Variants in PCDH15 observed in about 807,000 individuals in gnomAD.
PCDH15 encodes the protein protocadherin related 15.
A neutral mutation model predicts 178.5 loss-of-function variants in PCDH15; 129 were observed. The observed-to-expected ratio is 0.72, with a 90% CI of 0.63 to 0.84. The LOEUF is 0.84. PCDH15 is among the 40% of genes least tolerant of loss of function. The pLI is 0.00. For missense variants in PCDH15, 2,230 were observed against 2,099.9 expected (o/e 1.06, Z -1.21); for synonymous variants, 800 against 732.0 (o/e 1.09, Z -1.50).
chr10:55,048,643 A>G (rs1211100494), intron 2 of PCDH15, among the ~76,000 whole-genome samples: 2 of 151,942 alleles, frequency 1.3e-5, no homozygotes, highest in Admixed American at 6.6e-5. Flanking sequence ...TAGATTTAAA[A>G]CACATATTCT....
chr10:55,170,614 T>G (rs564139747), intron 1 of PCDH15, among the ~76,000 whole-genome samples: 1 of 152,184 alleles, frequency 6.6e-6, no homozygotes, highest in African/African-American at 2.4e-5. Flanking sequence ...CCGAGTGCAG[T>G]GGCTTACACC....
intron 2 of PCDH15, among the ~76,000 whole-genome samples, chr10:55,039,181 A>G (rs1840807256): frequency 6.6e-6 from 1 of 152,080 alleles, no homozygotes; most frequent in Non-Finnish European, 1.5e-5. Context: ...AAAAACATGT[A>G]AATCTCTCCC....
chr10:54,384,030 C>T (rs1325455674), intron 3 of PCDH15, among the ~76,000 whole-genome samples: 4 of 149,586 alleles, frequency 2.7e-5, no homozygotes, highest in East Asian at 2.0e-4. Flanking sequence ...GATGGGGTTC[C>T]GCCATGTTGG....
intron 1 of PCDH15, among the ~76,000 whole-genome samples, chr10:55,240,267 AT>A (rs1171079598): frequency 1.3e-5 from 2 of 152,230 alleles, no homozygotes; most frequent in Admixed American, 1.3e-4. Flanking sequence ...ACAAATTTGT[AT>A]TTAATATACA....
chr10:54,665,477 T>C (rs1467953037), intron 1 of PCDH15, among the ~76,000 whole-genome samples: 1 of 152,102 alleles, frequency 6.6e-6, no homozygotes, highest in African/African-American at 2.4e-5. Context: ...ATAAGGTTTA[T>C]CAGAGGGTAC....
At chr10:55,152,457 G>C (rs1007137034) in intron 2 of PCDH15, among the ~76,000 whole-genome samples, 27 of 152,166 alleles carry the variant, frequency 1.8e-4, no homozygotes, top group Non-Finnish European at 2.8e-4. Context: ...TTTTAAAAAT[G>C]AAAAGAGAAA....
intron 2 of PCDH15, among the ~76,000 whole-genome samples, chr10:55,019,635 T>C (rs2131952883): frequency 6.6e-6 from 1 of 152,274 alleles, no homozygotes; most frequent in East Asian, 1.9e-4. Flanking sequence ...AGAAATAAAC[T>C]GCCCTTTGTC....
chr10:55,367,530 A>G (rs1420797656), intron 2 of PCDH15, among the ~76,000 whole-genome samples: 2 of 152,112 alleles, frequency 1.3e-5, no homozygotes, highest in Non-Finnish European at 2.9e-5. Flanking sequence ...GAAGTGAGCC[A>G]TGATCATGCC....
intron 23 of PCDH15, among the ~76,000 whole-genome samples, chr10:53,943,709 A>T (rs930421405): frequency 6.6e-6 from 1 of 152,140 alleles, no homozygotes; most frequent in African/African-American, 2.4e-5. Flanking sequence ...TTTACAACAG[A>T]TTTACTTCTA....
At chr10:55,493,738 C>G (rs1168000426) in intron 2 of PCDH15, among the ~76,000 whole-genome samples, 1 of 151,768 alleles carries the variant, frequency 6.6e-6, no homozygotes, top group Non-Finnish European at 1.5e-5. Context: ...GGCAGCTGAC[C>G]TGCCTTATAA....
chr10:54,720,966 C>G (rs187419415), intron 1 of PCDH15, among the ~76,000 whole-genome samples: 5 of 152,100 alleles, frequency 3.3e-5, no homozygotes, highest in Admixed American at 6.6e-5. Context: ...AGAGCATTCT[C>G]CTAAACCGAC....
chr10:54,398,621 A>G (rs1316284308), intron 3 of PCDH15, among the ~76,000 whole-genome samples: 1 of 152,046 alleles, frequency 6.6e-6, no homozygotes, highest in African/African-American at 2.4e-5. Context: ...TAACCCTTCA[A>G]AAATGCCCCC....
chr10:55,315,965 T>A (rs191468064), intron 1 of PCDH15, among the ~76,000 whole-genome samples: 1 of 152,162 alleles, frequency 6.6e-6, no homozygotes, highest in South Asian at 2.1e-4. Flanking sequence ...GCAGTGAGCC[T>A]AGACTGCACC....
intron 4 of PCDH15, among the ~76,000 whole-genome samples, chr10:54,377,617 T>C (rs749518243): frequency 6.6e-5 from 10 of 152,148 alleles, no homozygotes; most frequent in Non-Finnish European, 1.3e-4. Flanking sequence ...CTCCATAACC[T>C]ATTGTAAAGT....
intron 2 of PCDH15, among the ~76,000 whole-genome samples, chr10:54,586,902 AAAGT>A (rs2091508515): frequency 6.6e-6 from 1 of 152,200 alleles, no homozygotes; most frequent in Non-Finnish European, 1.5e-5. Context: ...AAAGTTTGAG[AAAGT>A]AATAGAATTT....
intron 12 of PCDH15, among the ~76,000 whole-genome samples, chr10:54,184,176 C>T (rs952025032): frequency 6.6e-6 from 1 of 152,056 alleles, no homozygotes. Flanking sequence ...ACAATTCCTG[C>T]CAAATCAGTG....
intron 26 of PCDH15, among the ~76,000 whole-genome samples, chr10:53,871,104 C>T (rs976872388): frequency 2.6e-4 from 40 of 151,352 alleles, no homozygotes; most frequent in East Asian, 3.9e-4. Context: ...GAGGCTGAGG[C>T]GGGCGGGTCA....
chr10:53,870,755 T>C (rs1269598725), intron 26 of PCDH15, among the ~76,000 whole-genome samples: 1 of 152,182 alleles, frequency 6.6e-6, no homozygotes, highest in Non-Finnish European at 1.5e-5. Flanking sequence ...GTGGAGCATA[T>C]GCAATACCAT....
chr10:55,580,834 G>A (rs1459610020), intron 2 of PCDH15, among the ~76,000 whole-genome samples: 1 of 152,168 alleles, frequency 6.6e-6, no homozygotes, highest in Non-Finnish European at 1.5e-5. Flanking sequence ...ATTGTCCTGA[G>A]GAATGTTGTA....
Sources: allele counts gnomAD v4.1 joint callset (sites outside exome capture counted in the v4.1 genomes callset), GRCh38; gene constraint gnomAD v4.1.1; transcripts MANE v1.5; gene names NCBI Gene and HGNC (gene_info 2026-07-23, HGNC 2026-07-21).